Variants in GALNT7 observed in about 807,000 individuals in gnomAD.
The protein encoded by GALNT7 is N-acetylgalactosaminyltransferase 7.
Under a neutral mutation model 82.1 loss-of-function variants are expected in GALNT7, and 60 were observed. The observed-to-expected ratio is 0.73, with a 90% CI of 0.59 to 0.91. The LOEUF (loss-of-function observed/expected upper bound fraction) is 0.91. Among genes scored for constraint, GALNT7 ranks in the 40% least tolerant of loss-of-function variants. The pLI, the probability that GALNT7 is intolerant of heterozygous loss-of-function variation, is 0.00. For missense variants in GALNT7, 660 were observed against 804.2 expected (o/e 0.82, Z 2.17); for synonymous variants, 243 against 275.1 (o/e 0.88, Z 1.15).
At chr4:173,180,247 A>G (rs1732200824) in intron 1 of GALNT7, among the ~76,000 whole-genome samples, 1 of 151,600 alleles carries the variant, frequency 6.6e-6, no homozygotes, top group Admixed American at 6.6e-5. Context: ...TAATGCTCTT[A>G]TGAAAAACAC....
intron 2 of GALNT7, among the ~76,000 whole-genome samples, chr4:173,291,159 T>A (rs963549879): frequency 6.6e-6 from 1 of 152,202 alleles, no homozygotes; most frequent in Non-Finnish European, 1.5e-5. Context: ...GCTGTCTTTC[T>A]CACCCAGTTC....
chr4:173,268,368 A>C (rs1264508058), intron 2 of GALNT7: 1 of 151,990 alleles, frequency 6.6e-6, no homozygotes, highest in Non-Finnish European at 1.5e-5. Flanking sequence ...GATTTTCTGC[A>C]CAGGACACAG....
chr4:173,194,746 C>G (rs983028703), intron 1 of GALNT7, among the ~76,000 whole-genome samples: 1 of 152,018 alleles, frequency 6.6e-6, no homozygotes, highest in Non-Finnish European at 1.5e-5. Flanking sequence ...CCCATTAACT[C>G]GTCATTTACA....
intron 1 of GALNT7, among the ~76,000 whole-genome samples, chr4:173,245,376 G>T (rs1734589518): frequency 6.6e-6 from 1 of 152,108 alleles, no homozygotes; most frequent in South Asian, 2.1e-4. Context: ...TTCACAATTT[G>T]ATTTCATGTA....
At chr4:173,259,933 C>G (rs559792650) in intron 2 of GALNT7, among the ~76,000 whole-genome samples, 1 of 152,176 alleles carries the variant, frequency 6.6e-6, no homozygotes, top group Non-Finnish European at 1.5e-5. Flanking sequence ...CCACCATGCC[C>G]GGCCCATTTC....
At chr4:173,172,601 T>TG (rs1209571719) in intron 1 of GALNT7, among the ~76,000 whole-genome samples, 31 of 152,194 alleles carry the variant, frequency 2.0e-4, no homozygotes, top group African/African-American at 7.0e-4. Context: ...TTCCTGGTGG[T>TG]GGGGGGCCTT....
At chr4:173,277,811 CT>C (rs1357956556) in intron 2 of GALNT7, among the ~76,000 whole-genome samples, 1 of 152,176 alleles carries the variant, frequency 6.6e-6, no homozygotes, top group Non-Finnish European at 1.5e-5. Context: ...ATGTGCAATA[CT>C]TTTTTGTTTC....
At chr4:173,180,629 G>C (rs1183155298) in intron 1 of GALNT7, among the ~76,000 whole-genome samples, 3 of 152,144 alleles carry the variant, frequency 2.0e-5, no homozygotes, top group Admixed American at 2.0e-4. Context: ...CACCTGCCCA[G>C]TTCTTTGTTA....
At chr4:173,297,238 CTT>C (rs892004841) in intron 5 of GALNT7, among the ~76,000 whole-genome samples, 1 of 144,750 alleles carries the variant, frequency 6.9e-6, no homozygotes, top group Admixed American at 6.8e-5. Context: ...GCAACAATAC[CTT>C]TTTTTTTTGT....
chr4:173,269,637 T>C (rs897529309), intron 2 of GALNT7, among the ~76,000 whole-genome samples: 1 of 152,240 alleles, frequency 6.6e-6, no homozygotes, highest in African/African-American at 2.4e-5. Context: ...CCTAAATGGT[T>C]GGATGCTGTA....
intron 2 of GALNT7, among the ~76,000 whole-genome samples, chr4:173,261,030 C>T (rs1271215894): frequency 1.3e-5 from 2 of 152,200 alleles, no homozygotes; most frequent in Non-Finnish European, 2.9e-5. Context: ...TTGCTGAGCG[C>T]TTCTGTCCCA....
rs1737907202 is a variant in GALNT7, at chr4:173,323,764, G to T, written c.*2047G>T. 6.6e-6 allele frequency: 1 copy of T among 152,430 alleles called. No homozygotes were observed. The highest frequency in any genetic ancestry group is 2.4e-5 in the African/African-American group (1 of 41,388). The allele number at this position is 152,430 out of a possible 1,614,324, so 9.4% of individuals were successfully genotyped here. A position where few individuals can be genotyped will look rare whatever the true frequency, so the allele number is the denominator to read the frequency against. ...CTTTGGAAATAATTCCCATATCCTT[G>T]CTTTGTAAGTTGGTAATATCACTAT... is the stretch of plus-strand genomic sequence containing the variant. On this transcript the variant is annotated 3_prime_UTR_variant, in exon 12 of 12. Transcript: ENST00000265000.
At chr4:173,225,517 A>G (rs1363291054) in intron 1 of GALNT7, among the ~76,000 whole-genome samples, 2 of 152,206 alleles carry the variant, frequency 1.3e-5, no homozygotes, top group African/African-American at 4.8e-5. Flanking sequence ...TTAAAACATT[A>G]TTTAATAATG....
chr4:173,314,924 C>G (rs1482039423), intron 9 of GALNT7, among the ~76,000 whole-genome samples: 3 of 152,190 alleles, frequency 2.0e-5, no homozygotes, highest in African/African-American at 7.2e-5. Flanking sequence ...GTGCCAGTCA[C>G]TCTTCTAGAC....
chr4:173,228,104 A>G (rs1353047361), intron 1 of GALNT7, among the ~76,000 whole-genome samples: 1 of 151,854 alleles, frequency 6.6e-6, no homozygotes, highest in Admixed American at 6.6e-5. Flanking sequence ...GTTATATAAA[A>G]TGTTTTCTAG....
intron 1 of GALNT7, among the ~76,000 whole-genome samples, chr4:173,212,826 T>A (rs1455320013): frequency 6.6e-6 from 1 of 152,152 alleles, no homozygotes; most frequent in African/African-American, 2.4e-5. Context: ...CTTCCGTGTG[T>A]CTAACATAGG....
chr4:173,171,062 A>G (rs1334047310), intron 1 of GALNT7, among the ~76,000 whole-genome samples: 1 of 150,662 alleles, frequency 6.6e-6, no homozygotes, highest in African/African-American at 2.4e-5. Context: ...ACTTAACATA[A>G]TTAACATTAA....
At chr4:173,305,592 G>A (rs544629225) in intron 8 of GALNT7, among the ~76,000 whole-genome samples, 1 of 152,258 alleles carries the variant, frequency 6.6e-6, no homozygotes, top group East Asian at 1.9e-4. Context: ...TATGGTGTGA[G>A]ATGAAGGTCT....
intron 1 of GALNT7, among the ~76,000 whole-genome samples, chr4:173,222,734 G>A (rs956698152): frequency 3.9e-5 from 6 of 152,074 alleles, no homozygotes; most frequent in Non-Finnish European, 1.5e-5. Context: ...CTATTTACCT[G>A]CGATTATATA....
Sources: gnomAD v4.1 joint callset for allele counts (sites outside exome capture counted in the v4.1 genomes callset) on GRCh38, gnomAD v4.1.1 for gene constraint, MANE v1.5 for transcripts, NCBI Gene and HGNC (gene_info 2026-07-23, HGNC 2026-07-21) for gene names.